Variants in PRELID2 observed in about 807,000 individuals in gnomAD.
PRELID2 encodes the protein PRELI domain containing 2.
Under a neutral mutation model 28.4 loss-of-function variants are expected in PRELID2, and 25 were observed. The ratio of observed to expected loss-of-function variants is 0.88; its 90% CI spans 0.64 to 1.23. The LOEUF is 1.23. PRELID2 is among the 50% of genes most tolerant of loss of function. The pLI is 0.00. For synonymous variants in PRELID2, 76 were observed against 71.6 expected (o/e 1.06, Z -0.31); for missense variants, 201 against 214.4 (o/e 0.94, Z 0.39).
the PRELID2 span, among the ~76,000 whole-genome samples, chr5:145,297,298 T>G: frequency 6.6e-6 from 1 of 152,014 alleles, no homozygotes; most frequent in African/African-American, 2.4e-5. Context: ...AATGCCTAGG[T>G]TTTCTTCTAG....
At chr5:145,698,022 G>T (rs191772400) in intron 1 of PRELID2, among the ~76,000 whole-genome samples, 1 of 151,510 alleles carries the variant, frequency 6.6e-6, no homozygotes, top group African/African-American at 2.4e-5. Context: ...ATGAAGTTAC[G>T]GTTTGCAAGG....
chr5:145,630,293 T>C (rs1024056673), intron 1 of PRELID2, among the ~76,000 whole-genome samples: 9 of 149,134 alleles, frequency 6.0e-5, no homozygotes, highest in Admixed American at 1.3e-4. Context: ...GATTCCATAA[T>C]TGGGAAGAAA....
intron 1 of PRELID2, among the ~76,000 whole-genome samples, chr5:145,588,334 C>T (rs908663625): frequency 1.3e-5 from 2 of 152,140 alleles, no homozygotes; most frequent in Non-Finnish European, 2.9e-5. Context: ...CAGCACATCT[C>T]CCTGCAGGCT....
intron 1 of PRELID2, among the ~76,000 whole-genome samples, chr5:145,591,175 G>C (rs543579484): frequency 2.6e-5 from 4 of 151,346 alleles, no homozygotes; most frequent in Admixed American, 6.6e-5. Context: ...GCATGCCTGG[G>C]GTCCCAGCTA....
chr5:145,401,015 C>T, the PRELID2 span, among the ~76,000 whole-genome samples: 1 of 152,086 alleles, frequency 6.6e-6, no homozygotes, highest in Admixed American at 6.6e-5. Flanking sequence ...CCTCCCACCA[C>T]TTAGACTCTG....
intron 1 of PRELID2, among the ~76,000 whole-genome samples, chr5:145,536,365 C>T (rs945583711): frequency 1.3e-5 from 2 of 151,902 alleles, no homozygotes; most frequent in African/African-American, 4.8e-5. Context: ...GATATCACTG[C>T]TGAAGAATCT....
At chr5:145,740,873 AAT>A (rs1187048119) in intron 1 of PRELID2, among the ~76,000 whole-genome samples, 3 of 102,938 alleles carry the variant, frequency 2.9e-5, no homozygotes, top group Non-Finnish European at 5.3e-5. Context: ...TTTATCGATA[AAT>A]ATATATGTAC....
intron 1 of PRELID2, among the ~76,000 whole-genome samples, chr5:145,610,680 T>C (rs1206287733): frequency 1.3e-5 from 2 of 152,280 alleles, no homozygotes; most frequent in East Asian, 1.9e-4. Context: ...AATACTGGCT[T>C]TGAGACTGAG....
At chr5:145,323,612 C>A in the PRELID2 span, among the ~76,000 whole-genome samples, 2 of 152,158 alleles carry the variant, frequency 1.3e-5, no homozygotes, top group African/African-American at 4.8e-5. Context: ...CATCATCCTC[C>A]TTGCACCTTC....
intron 6 of PRELID2, among the ~76,000 whole-genome samples, chr5:145,761,371 G>C (rs1757467029): frequency 6.6e-6 from 1 of 152,160 alleles, no homozygotes; most frequent in African/African-American, 2.4e-5. Context: ...GACCACTGTT[G>C]CTGGTATTTT....
At chr5:145,353,193 C>T in the PRELID2 span, among the ~76,000 whole-genome samples, 6 of 152,168 alleles carry the variant, frequency 3.9e-5, no homozygotes, top group African/African-American at 1.2e-4. Flanking sequence ...CATGATGGCT[C>T]ATGCCTATAA....
chr5:145,359,218 T>C, the PRELID2 span, among the ~76,000 whole-genome samples: 2 of 152,178 alleles, frequency 1.3e-5, no homozygotes, highest in Non-Finnish European at 2.9e-5. Flanking sequence ...ACTCCAGACA[T>C]GAATTTACAA....
downstream of PRELID2, chr5:145,754,040 A>G (rs1757194471): frequency 6.6e-6 from 1 of 152,150 alleles, no homozygotes; most frequent in African/African-American, 2.4e-5. Context: ...CACTGTGCTG[A>G]TACTGCAGCC....
At chr5:145,326,770 G>T in the PRELID2 span, among the ~76,000 whole-genome samples, 2 of 151,778 alleles carry the variant, frequency 1.3e-5, no homozygotes, top group Admixed American at 6.6e-5. Flanking sequence ...ATCAAAATGG[G>T]TCATAGACCC....
At chr5:145,540,764 A>C (rs189677716) in intron 1 of PRELID2, among the ~76,000 whole-genome samples, 1 of 151,906 alleles carries the variant, frequency 6.6e-6, no homozygotes, top group East Asian at 1.9e-4. Context: ...AAAGGGAATA[A>C]CAATCAAATG....
At chr5:145,252,871 AAAAT>A in the PRELID2 span, among the ~76,000 whole-genome samples, 74 of 152,280 alleles carry the variant, frequency 4.9e-4, no homozygotes, top group African/African-American at 1.3e-3. Flanking sequence ...TCACCCAGTA[AAAAT>A]AAATAAATAC....
At chr5:145,512,506 T>A (rs537618488) in intron 1 of PRELID2, among the ~76,000 whole-genome samples, 1 of 152,334 alleles carries the variant, frequency 6.6e-6, no homozygotes, top group African/African-American at 2.4e-5. Context: ...AAGGGGCTTA[T>A]AGATCAAACT....
chr5:145,805,615 G>A (rs1431567916), intron 4 of PRELID2, among the ~76,000 whole-genome samples: 1 of 152,114 alleles, frequency 6.6e-6, no homozygotes, highest in Non-Finnish European at 1.5e-5. Flanking sequence ...AGGAAAAGGA[G>A]GATGAAAAAC....
At chr5:145,387,534 C>A in the PRELID2 span, among the ~76,000 whole-genome samples, 2 of 152,130 alleles carry the variant, frequency 1.3e-5, no homozygotes, top group African/African-American at 4.8e-5. Context: ...TACTTACCAT[C>A]AATTAACCAG....
Sources: allele counts gnomAD v4.1 joint callset (sites outside exome capture counted in the v4.1 genomes callset), GRCh38; gene constraint gnomAD v4.1.1; transcripts MANE v1.5; gene names NCBI Gene and HGNC (gene_info 2026-07-23, HGNC 2026-07-21).